Variants in THPO observed in about 807,000 individuals in gnomAD.
THPO encodes MPL ligand.
Under a neutral mutation model 17.0 loss-of-function variants are expected in THPO, and 12 were observed. That is an observed-to-expected ratio of 0.71 (90% CI 0.45 to 1.14). The LOEUF (loss-of-function observed/expected upper bound fraction) is 1.14. Ranked by LOEUF, THPO falls within the 50% of genes most tolerant of loss-of-function variation. THPO has a pLI of 0.00. For missense variants in THPO, 365 were observed against 427.5 expected (o/e 0.85, Z 1.29); for synonymous variants, 188 against 183.0 (o/e 1.03, Z -0.22).
In THPO at chr3:184,376,804, C is replaced by G. The variant is rs151159270; in HGVS notation, c.-145-400G>C. On this transcript the variant is annotated intron_variant, in intron 1 of 5. Transcript: ENST00000647395. ...AGGTTGTGGTGAGCCGAGATCGCAC[C>G]ATTGCACTCCAGCCTGGGCAATAAG... Among the ~76,000 whole-genome samples, 656 of 150,292 alleles carry G rather than the reference C, an allele frequency of 4.4e-3. 8 individuals are homozygous for G. The highest frequency in any genetic ancestry group is 0.015 in the African/African-American group (623 of 40,770).
At chr3:184,377,183 G>C (rs1714490652) in intron 1 of THPO, among the ~76,000 whole-genome samples, 1 of 151,904 alleles carries the variant, frequency 6.6e-6, no homozygotes, top group Admixed American at 6.6e-5. Flanking sequence ...GTGGGGAGTG[G>C]GGCTGGGGAG....
In THPO at chr3:184,376,421, G is replaced by C; in HGVS notation, c.-145-17C>G. On this transcript the variant is annotated splice_polypyrimidine_tract_variant and intron_variant, in intron 1 of 5. Coordinates refer to ENST00000647395, the MANE Select transcript of THPO (RefSeq NM_000460.4). ...GAATCTATCCTGAAAGTAGCAAGAA[G>C]AGTGAACATTTAACCAAGTTTCTAG... The C allele has an allele frequency of 6.4e-7, 1 of 1,551,674 alleles. No homozygotes were observed. The highest frequency in any genetic ancestry group is 2.3e-5 in the East Asian group (1 of 43,660).
chr3:184,379,464 C>T (rs1308269142), upstream of THPO, among the ~76,000 whole-genome samples: 1 of 151,930 alleles, frequency 6.6e-6, no homozygotes, highest in Non-Finnish European at 1.5e-5. Context: ...AGGTCCCTGT[C>T]CTGGGTAACA....
upstream of THPO, chr3:184,378,987 G>A (rs903226061): frequency 1.2e-5 from 5 of 412,860 alleles, no homozygotes; most frequent in Non-Finnish European, 1.6e-5. Flanking sequence ...CCTGGCTCTA[G>A]CTCCTTTGCT....
Position 184,372,474 on chromosome 3 carries a change from TAC to T in THPO, c.*37_*38del. ...GGGCGCCCTGCAGGGAAGGGAGCTGTACACGAGACAATGCTGATGTCGGCAGT... is the reference window on the plus strand; with the variant it reads ...GGGCGCCCTGCAGGGAAGGGAGCTGTACGAGACAATGCTGATGTCGGCAGT... On this transcript the variant is annotated 3_prime_UTR_variant, in exon 6 of 6. Coordinates refer to ENST00000647395, the MANE Select transcript of THPO (RefSeq NM_000460.4). 6.2e-7 allele frequency: 1 copy of T among 1,612,728 alleles called. No homozygotes were observed. Among genetic ancestry groups the T allele is most frequent in the Non-Finnish European group, 8.5e-7 (1 of 1,178,890 alleles).
chr3:184,376,776 C>A lies in THPO; in HGVS notation c.-145-372G>T, dbSNP rs149023582. ...AGGAGAATCGCTTGTACCTGGGAGG[C>A]GGAGGTTGTGGTGAGCCGAGATCGC... is the stretch of plus-strand genomic sequence containing the variant. On this transcript the variant is annotated intron_variant, in intron 1 of 5. Coordinates refer to ENST00000647395, the MANE Select transcript of THPO (RefSeq NM_000460.4). Among the ~76,000 whole-genome samples the A allele has an allele frequency of 8.8e-3, 1,315 of 149,800 alleles. 19 individuals carry two copies. Among genetic ancestry groups the A allele is most frequent in the African/African-American group, 0.031 (1,244 of 40,362 alleles).
chr3:184,372,338 A>G lies in THPO; in HGVS notation c.*175T>C. 1 of 729,006 alleles carries G rather than the reference A, an allele frequency of 1.4e-6. No homozygotes were observed. Among genetic ancestry groups the G allele is most frequent in the East Asian group, 2.7e-5 (1 of 36,910 alleles). 45.2% of individuals were successfully genotyped at this position (729,006 alleles called of 1,614,324 possible). A position where few individuals can be genotyped will look rare whatever the true frequency, so the allele number is the denominator to read the frequency against. On this transcript the variant is annotated 3_prime_UTR_variant, in exon 6 of 6. Coordinates refer to ENST00000647395, the MANE Select transcript of THPO (RefSeq NM_000460.4). ...GATAGCTTAAAAAAATAGCTTCTGA[A>G]GGTTTATAATGTACAGTGAAAAATG...
Position 184,372,259 on chromosome 3 carries a change from G to A in THPO, c.*254C>T. On this transcript the variant is annotated 3_prime_UTR_variant, in exon 6 of 6. Transcript: ENST00000647395. ...AGAGCATGTAGAGAATCAGTGAGTT[G>A]CAAATTTCTGCAGAAAATAGACCAA... 4.0e-6 allele frequency: 2 copies of A among 500,056 alleles called. No homozygotes were observed. The highest frequency in any genetic ancestry group is 3.6e-6 in the Non-Finnish European group (1 of 276,266). 31.0% of individuals were successfully genotyped at this position (500,056 alleles called of 1,614,324 possible).
Position 184,372,397 on chromosome 3 carries a change from A to G in THPO, c.*116T>C. The G allele has an allele frequency of 7.8e-7, 1 of 1,283,290 alleles. No homozygotes were observed. The highest frequency in any genetic ancestry group is 1.1e-6 in the Non-Finnish European group (1 of 883,540). 79.5% of individuals were successfully genotyped at this position (1,283,290 alleles called of 1,614,324 possible). A position where few individuals can be genotyped will look rare whatever the true frequency, so the allele number is the denominator to read the frequency against. On this transcript the variant is annotated 3_prime_UTR_variant, in exon 6 of 6. Coordinates refer to ENST00000647395, the MANE Select transcript of THPO (RefSeq NM_000460.4). ...TTCAGTCCTGTGTATCCCTTTTACC[A>G]GGGCTTTGGGTTTCAGGAGAAAGTA...
upstream of THPO, among the ~76,000 whole-genome samples, chr3:184,379,238 G>A (rs1714767577): frequency 6.6e-6 from 1 of 152,212 alleles, no homozygotes; most frequent in Non-Finnish European, 1.5e-5. Flanking sequence ...GATAGTGGGT[G>A]TGTGTGGGAG....
chr3:184,374,694 T>C (rs962433869), intron 4 of THPO, among the ~76,000 whole-genome samples: 3 of 152,204 alleles, frequency 2.0e-5, no homozygotes, highest in African/African-American at 7.2e-5. Context: ...ATCCTTTTCG[T>C]AGGAAGTGCT....
chr3:184,376,854 A>AAAAAAG (rs1553862295), intron 1 of THPO, among the ~76,000 whole-genome samples: 48 of 150,716 alleles, frequency 3.2e-4, no homozygotes, highest in South Asian at 2.1e-3. Context: ...TCAAAAAAAA[A>AAAAAAG]AAAGAAAGAA....
At position 184,372,524 on chromosome 3, in the gene THPO, G is replaced by A; in HGVS notation, c.1051C>T (p.Gln351Ter). 1.2e-6 allele frequency: 2 copies of A among 1,614,104 alleles called. No homozygotes were observed. Among genetic ancestry groups the A allele is most frequent in the Non-Finnish European group, 1.7e-6 (2 of 1,180,016 alleles). Residue 351 changes from glutamine to a stop codon, truncating the protein, a stop_gained, in exon 6 of 6, where the codon CAG (glutamine) becomes TAG (stop). Transcript: ENST00000647395. LOFTEE classifies it high-confidence loss of function. The part of the protein sequence containing the change: ...TSYTHSQNLS[Q>*]EG ...AGTGTCTGAGAACCTTACCCTTCCT[G>A]AGACAGATTCTGGGAGTGGGTGTAG...
chr3:184,373,966 G>A (rs770634491), intron 4 of THPO, among the ~76,000 whole-genome samples: 2 of 152,194 alleles, frequency 1.3e-5, no homozygotes, highest in South Asian at 2.1e-4. Flanking sequence ...AGTGGCTCAC[G>A]CCTGTAATCC....
upstream of THPO, among the ~76,000 whole-genome samples, chr3:184,379,622 G>C (rs1296433931): frequency 1.3e-5 from 2 of 152,140 alleles, no homozygotes; most frequent in African/African-American, 4.8e-5. Context: ...TTAAAGACAA[G>C]TCTTCATCCT....
At position 184,372,607 on chromosome 3, in the gene THPO, A is replaced by AG. The variant is rs778880905; in HGVS notation, c.967dup (p.Leu323ProfsTer4). ...CGTTGGAGCAGAAGGGTCAGGAAGC[A>AG]GGGGGTGGAGCTGGACCACAGGGGT... On this transcript the variant is annotated frameshift_variant, in exon 6 of 6. Transcript: ENST00000647395. LOFTEE classifies it low-confidence loss of function (END_TRUNC). 1 of 1,613,680 alleles carries AG rather than the reference A, an allele frequency of 6.2e-7. No individual in the cohort carries two copies. Among genetic ancestry groups the AG allele is most frequent in the Non-Finnish European group, 8.5e-7 (1 of 1,179,798 alleles).
At chr3:184,378,515 G>T, upstream of THPO, 1 of 551,758 alleles carries the variant, frequency 1.8e-6, no homozygotes, top group Non-Finnish European at 2.3e-6. Context: ...TCTTTTCCCT[G>T]GACATCATAC....
intron 1 of THPO, among the ~76,000 whole-genome samples, chr3:184,376,795 A>G (rs1172382691): frequency 1.3e-5 from 2 of 151,658 alleles, no homozygotes; most frequent in Non-Finnish European, 2.9e-5. Flanking sequence ...TGGTGAGCCG[A>G]GATCGCACCA....
At chr3:184,376,845 C>A (rs1346946977) in intron 1 of THPO, among the ~76,000 whole-genome samples, 50 of 131,488 alleles carry the variant, frequency 3.8e-4, no homozygotes, top group South Asian at 4.8e-4. Context: ...AACTCCGTCT[C>A]AAAAAAAAAA....
Sources: allele counts gnomAD v4.1 joint callset (sites outside exome capture counted in the v4.1 genomes callset), GRCh38; gene constraint gnomAD v4.1.1; transcripts MANE v1.5; gene names NCBI Gene and HGNC (gene_info 2026-07-23, HGNC 2026-07-21).